The following UBE3A variants were observed in gnomAD, a reference collection of about 807,000 sequenced individuals.
The protein encoded by UBE3A is ubiquitin-protein ligase E3A.
UBE3A carries 6 observed loss-of-function variants against 83.4 expected under a neutral mutation model. The ratio of observed to expected loss-of-function variants is 0.07; its 90% CI spans 0.04 to 0.14. The LOEUF (loss-of-function observed/expected upper bound fraction) is 0.14. UBE3A is among the 10% of genes least tolerant of loss of function. The pLI is 1.00. For missense variants in UBE3A, 456 were observed against 1,036.1 expected (o/e 0.44, Z 7.69); for synonymous variants, 337 against 355.4 (o/e 0.95, Z 0.58).
chr15:25,374,724 TTAAAA>T (rs2080903607), intron 5 of UBE3A: 1 of 152,200 alleles, frequency 6.6e-6, no homozygotes, highest in Non-Finnish European at 1.5e-5. Context: ...GCTTTCTCTC[TTAAAA>T]TACAATTGCC....
chr15:25,387,848 G>A (rs533069911), intron 4 of UBE3A, among the ~76,000 whole-genome samples: 5 of 152,134 alleles, frequency 3.3e-5, no homozygotes, highest in South Asian at 4.1e-4. Context: ...ACAACTTTAC[G>A]GCCACGAATT....
intron 9 of UBE3A, among the ~76,000 whole-genome samples, chr15:25,355,372 C>T (rs151216650): frequency 6.6e-6 from 1 of 152,018 alleles, no homozygotes; most frequent in East Asian, 1.9e-4. Flanking sequence ...TCAATATAAA[C>T]ATGTTTCTTA....
At chr15:25,410,352 G>T (rs1048879910) in intron 2 of UBE3A, among the ~76,000 whole-genome samples, 1 of 152,032 alleles carries the variant, frequency 6.6e-6, no homozygotes, top group Non-Finnish European at 1.5e-5. Flanking sequence ...AATTTAGCAG[G>T]CCTCTTTACT....
At chr15:25,349,210 T>TAA (rs1454873797) in intron 11 of UBE3A, among the ~76,000 whole-genome samples, 1 of 152,094 alleles carries the variant, frequency 6.6e-6, no homozygotes, top group African/African-American at 2.4e-5. Context: ...AACAAATAAA[T>TAA]AAAACTATTT....
chr15:25,376,961 T>C (rs1444552802), intron 4 of UBE3A, among the ~76,000 whole-genome samples: 1 of 152,198 alleles, frequency 6.6e-6, no homozygotes, highest in East Asian at 1.9e-4. Flanking sequence ...ATTACCATAA[T>C]TTCAGTAGAA....
Position 25,409,135 on chromosome 15 carries a change from T to C in UBE3A, c.-28A>G. The C allele has an allele frequency of 6.3e-7, 1 of 1,593,514 alleles. No individual in the cohort carries two copies. The highest frequency in any genetic ancestry group is 8.6e-7 in the Non-Finnish European group (1 of 1,168,936). The stretch of plus-strand genomic sequence containing the variant: ...GGTGACATCAGGGTGATCACAGCTT[T>C]GAGTCACTGATTAAAAACAGGTTGT... On this transcript the variant is annotated 5_prime_UTR_variant, in exon 3 of 13. Coordinates refer to ENST00000648336, the MANE Select transcript of UBE3A (RefSeq NM_130839.5).
chr15:25,402,125 T>G (rs1205129119), intron 4 of UBE3A, among the ~76,000 whole-genome samples: 2 of 152,212 alleles, frequency 1.3e-5, no homozygotes, highest in East Asian at 3.9e-4. Flanking sequence ...CCTGTAGTCA[T>G]GTGTTGGCAC....
chr15:25,395,574 T>C (rs1200384179), intron 4 of UBE3A, among the ~76,000 whole-genome samples: 1 of 152,174 alleles, frequency 6.6e-6, no homozygotes, highest in Non-Finnish European at 1.5e-5. Context: ...AAAGCTGTTA[T>C]TGACTGAGAT....
chr15:25,407,594 T>C (rs2088944007), intron 3 of UBE3A: 1 of 152,750 alleles, frequency 6.5e-6, no homozygotes, highest in African/African-American at 2.4e-5. Context: ...CTGTAACATA[T>C]TAATTACTAC....
At chr15:25,411,176 T>C (rs1159739484) in intron 2 of UBE3A, among the ~76,000 whole-genome samples, 1 of 152,196 alleles carries the variant, frequency 6.6e-6, no homozygotes. Context: ...GCAAGTTACT[T>C]AACCTCTCCG....
intron 1 of UBE3A, among the ~76,000 whole-genome samples, chr15:25,433,350 AT>A (rs532998086): frequency 1.9e-3 from 277 of 149,372 alleles, no homozygotes; most frequent in Non-Finnish European, 3.5e-3. Context: ...CGTCCGGCTA[AT>A]TTTTTTTTTG....
At chr15:25,438,010 C>T (rs1361683863) in intron 1 of UBE3A, 1 of 152,238 alleles carries the variant, frequency 6.6e-6, no homozygotes, top group East Asian at 1.9e-4. Context: ...CCACTTCATC[C>T]GCCCTCCCTT....
At chr15:25,367,145 A>T (rs1376176375) in intron 6 of UBE3A, among the ~76,000 whole-genome samples, 2 of 150,272 alleles carry the variant, frequency 1.3e-5, no homozygotes, top group Non-Finnish European at 3.0e-5. Flanking sequence ...ATCTACTTGT[A>T]AAAGAACACA....
At chr15:25,418,547 G>C (rs1406199005) in intron 1 of UBE3A, 1 of 151,862 alleles carries the variant, frequency 6.6e-6, no homozygotes, top group Non-Finnish European at 1.5e-5. Flanking sequence ...AAAGTTCTGC[G>C]CAAGCTAAAC....
chr15:25,341,332 A>G (rs1315317281), intron 11 of UBE3A, among the ~76,000 whole-genome samples: 2 of 151,924 alleles, frequency 1.3e-5, no homozygotes, highest in African/African-American at 4.8e-5. Flanking sequence ...TGGCCTCCCA[A>G]AGTGCTGGGA....
intron 11 of UBE3A, among the ~76,000 whole-genome samples, chr15:25,350,355 A>C (rs2076325166): frequency 6.6e-6 from 1 of 151,880 alleles, no homozygotes; most frequent in South Asian, 2.1e-4. Context: ...TGCACCCGCC[A>C]ACACACACAT....
chr15:25,348,658 T>TTTTA lies in UBE3A; in HGVS notation c.2354+5691_2354+5694dup, dbSNP rs2076068087. 2.6e-5 allele frequency among the ~76,000 whole-genome samples: 4 copies of TTTTA among 152,282 alleles called. No homozygotes were observed. The South Asian group carries it at 8.3e-4, about 32-fold the overall frequency. The stretch of plus-strand genomic sequence containing the variant: ...TATAAGATCAATATATAAAAATCGA[T>TTTTA]TTTATTTCAAGATAGTAATAAACAA... On this transcript the variant is annotated intron_variant, in intron 11 of 12. Transcript: ENST00000648336.
chr15:25,366,171 C>G (rs1284061959), intron 6 of UBE3A, among the ~76,000 whole-genome samples: 1 of 152,152 alleles, frequency 6.6e-6, no homozygotes, highest in African/African-American at 2.4e-5. Flanking sequence ...AAGCATATTT[C>G]TTGGTTTCAT....
At chr15:25,347,174 T>C (rs2075819020) in intron 11 of UBE3A, 1 of 152,182 alleles carries the variant, frequency 6.6e-6, no homozygotes, top group Non-Finnish European at 1.5e-5. Flanking sequence ...CATGGGTACA[T>C]ACAACAGAGC....
Sources: allele counts gnomAD v4.1 joint callset (sites outside exome capture counted in the v4.1 genomes callset), GRCh38; gene constraint gnomAD v4.1.1; transcripts MANE v1.5; gene names NCBI Gene and HGNC (gene_info 2026-07-23, HGNC 2026-07-21).